The following PIGK variants were observed in gnomAD, a reference collection of about 807,000 sequenced individuals.
PIGK encodes the protein GPI-anchor transamidase.
PIGK carries 42 observed loss-of-function variants against 50.6 expected under a neutral mutation model. That is an observed-to-expected ratio of 0.83 (90% CI 0.65 to 1.07). The LOEUF (loss-of-function observed/expected upper bound fraction) is 1.07. PIGK is among the 50% of genes least tolerant of loss of function. The pLI is 0.00. For missense variants in PIGK, 448 were observed against 488.7 expected, an observed-to-expected ratio of 0.92 and a Z score of 0.78; for synonymous variants, 151 against 156.0, an observed-to-expected ratio of 0.97 and a Z score of 0.24.
intron 9 of PIGK, among the ~76,000 whole-genome samples, chr1:77,124,618 AAC>A (rs1428959538): frequency 2.2e-5 from 3 of 133,974 alleles, no homozygotes; most frequent in Non-Finnish European, 1.5e-5. Flanking sequence ...ACAAACAAAC[AAC>A]AAAAAAAAAA....
At chr1:77,129,183 G>A in intron 9 of PIGK, 2 of 1,579,576 alleles carry the variant, frequency 1.3e-6, no homozygotes, top group Non-Finnish European at 1.7e-6. Context: ...CAATCTTCGT[G>A]TTCACTTTAA....
rs116338224 is a variant in PIGK at position 77,101,403 on chromosome 1, T to C, written c.1072-8913A>G. Reference sequence around the variant, plus strand: ...CTTCTTTTCAGGGCACTGGTGATATTTGGTTTATTATCTCACACTACAGCT... The same window carrying C: ...CTTCTTTTCAGGGCACTGGTGATATCTGGTTTATTATCTCACACTACAGCT... On this transcript the variant is annotated intron_variant, in intron 10 of 10. Transcript: ENST00000370812. Among the ~76,000 whole-genome samples, 1,100 of 152,278 alleles carry C rather than the reference T, an allele frequency of 7.2e-3. 13 individuals are homozygous for C. Among genetic ancestry groups the C allele is most frequent in the African/African-American group, 0.024 (1,017 of 41,552 alleles).
intron 8 of PIGK, among the ~76,000 whole-genome samples, chr1:77,157,949 T>C (rs1014141497): frequency 6.6e-6 from 1 of 152,184 alleles, no homozygotes; most frequent in African/African-American, 2.4e-5. Flanking sequence ...CCTTCCACAA[T>C]GATTGTGAGG....
chr1:77,193,245 A>ATGAG (rs1553185368), intron 3 of PIGK, among the ~76,000 whole-genome samples: 7 of 144,778 alleles, frequency 4.8e-5, no homozygotes, highest in Admixed American at 2.7e-4. Context: ...TGGCATGAGA[A>ATGAG]TGTGTGTGTG....
At chr1:77,150,273 T>C (rs1039985403) in intron 9 of PIGK, among the ~76,000 whole-genome samples, 6 of 152,060 alleles carry the variant, frequency 3.9e-5, no homozygotes, top group African/African-American at 1.4e-4. Context: ...ACCCCAGCAC[T>C]TTGGGAGGCC....
chr1:77,138,722 T>G (rs1470082855), intron 9 of PIGK, among the ~76,000 whole-genome samples: 2 of 152,326 alleles, frequency 1.3e-5, no homozygotes, highest in Non-Finnish European at 2.9e-5. Flanking sequence ...TTGTCTGTAA[T>G]TTAAGAACAT....
intron 5 of PIGK, 71 bp downstream of exon 5, chr1:77,166,648 C>A: frequency 1.4e-6 from 1 of 712,888 alleles, no homozygotes; most frequent in East Asian, 2.8e-5. Context: ...GTTTAAATTT[C>A]TTTCCATTTG....
intron 9 of PIGK, among the ~76,000 whole-genome samples, chr1:77,150,784 A>T (rs139776626): frequency 1.0e-3 from 159 of 152,294 alleles, no homozygotes; most frequent in African/African-American, 3.6e-3. Flanking sequence ...ACAACCTACC[A>T]TCATTGAACC....
chr1:77,152,448 T>C (rs2100550073), intron 9 of PIGK, among the ~76,000 whole-genome samples: 1 of 152,124 alleles, frequency 6.6e-6, no homozygotes, highest in South Asian at 2.1e-4. Flanking sequence ...GGGCAGAAAT[T>C]TTTTAGGTAA....
chr1:77,199,428 T>C (rs1347392469), intron 3 of PIGK, among the ~76,000 whole-genome samples: 1 of 151,986 alleles, frequency 6.6e-6, no homozygotes, highest in Non-Finnish European at 1.5e-5. Flanking sequence ...AGAAGAACAT[T>C]CAAAGGCATG....
chr1:77,136,550 A>AAG (rs1398697186), intron 9 of PIGK, among the ~76,000 whole-genome samples: 1 of 151,296 alleles, frequency 6.6e-6, no homozygotes, highest in African/African-American at 2.4e-5. Context: ...AAAAAAAAAA[A>AAG]AAAAAAAAAA....
At chr1:77,131,379 TC>T (rs1377419000) in intron 9 of PIGK, among the ~76,000 whole-genome samples, 1 of 152,072 alleles carries the variant, frequency 6.6e-6, no homozygotes, top group Non-Finnish European at 1.5e-5. Flanking sequence ...GAGTTCCTGA[TC>T]CTCACACCTC....
intron 3 of PIGK, among the ~76,000 whole-genome samples, chr1:77,179,552 C>T (rs1655564614): frequency 6.6e-6 from 1 of 152,130 alleles, no homozygotes; most frequent in Admixed American, 6.5e-5. Flanking sequence ...GTAACCAATC[C>T]AGTTGTTCCT....
intron 2 of PIGK, among the ~76,000 whole-genome samples, chr1:77,207,272 G>A (rs962575913): frequency 1.3e-5 from 2 of 152,092 alleles, no homozygotes; most frequent in African/African-American, 4.8e-5. Context: ...GCATATCTTT[G>A]GGAAATTAAA....
At chr1:77,122,702 C>T (rs1282836123) in intron 9 of PIGK, among the ~76,000 whole-genome samples, 2 of 152,126 alleles carry the variant, frequency 1.3e-5, no homozygotes, top group Non-Finnish European at 2.9e-5. Flanking sequence ...TCCAACCAAA[C>T]TCAAGCCTCA....
chr1:77,147,453 T>TA (rs538707550), intron 9 of PIGK, among the ~76,000 whole-genome samples: 93 of 152,258 alleles, frequency 6.1e-4, no homozygotes, highest in African/African-American at 2.1e-3. Flanking sequence ...AGGTGAGTGT[T>TA]TAGAGTTCAT....
At chr1:77,215,975 A>T (rs1335231438) in intron 1 of PIGK, among the ~76,000 whole-genome samples, 1 of 152,182 alleles carries the variant, frequency 6.6e-6, no homozygotes, top group African/African-American at 2.4e-5. Flanking sequence ...ATTCGTTAAC[A>T]GATACAAAAT....
At chr1:77,146,544 C>T (rs974917505) in intron 9 of PIGK, among the ~76,000 whole-genome samples, 1 of 152,062 alleles carries the variant, frequency 6.6e-6, no homozygotes, top group African/African-American at 2.4e-5. Context: ...ACATGTAATC[C>T]CAGCACTTTG....
At chr1:77,182,291 G>C (rs937420140) in intron 3 of PIGK, among the ~76,000 whole-genome samples, 1 of 152,206 alleles carries the variant, frequency 6.6e-6, no homozygotes, top group African/African-American at 2.4e-5. Flanking sequence ...GAAGCATCCA[G>C]CAGGGGAGAA....
Sources: gnomAD v4.1 joint callset for allele counts (sites outside exome capture counted in the v4.1 genomes callset) on GRCh38, gnomAD v4.1.1 for gene constraint, MANE v1.5 for transcripts, NCBI Gene and HGNC (gene_info 2026-07-23, HGNC 2026-07-21) for gene names.